PSORS1C1: variants seen among roughly 807,000 people sequenced by gnomAD.
PSORS1C1 encodes the protein psoriasis susceptibility 1 candidate gene 1 protein.
A neutral mutation model predicts 9.4 loss-of-function variants in PSORS1C1; 7 were observed. That is an observed-to-expected ratio of 0.75 (90% CI 0.42 to 1.40). The LOEUF (loss-of-function observed/expected upper bound fraction) is 1.40. Among genes scored for constraint, PSORS1C1 ranks in the 40% most tolerant of loss-of-function variants. The probability of loss-of-function intolerance (pLI) is 0.01; values close to 1 mark genes in which losing one functional copy is unlikely to be tolerated. For synonymous variants in PSORS1C1, 63 were observed against 69.4 expected (o/e 0.91, Z 0.46); for missense variants, 146 against 178.1 (o/e 0.82, Z 1.02).
At chr6:31,116,608 A>T in intron 1 of PSORS1C1, 1 of 1,613,064 alleles carries the variant, frequency 6.2e-7, no homozygotes, top group Non-Finnish European at 8.5e-7. Flanking sequence ...AAAGGAAGGG[A>T]CCCCTGGAGA....
At chr6:31,132,867 T>C (rs1419052479) in intron 3 of PSORS1C1, among the ~76,000 whole-genome samples, 2 of 140,872 alleles carry the variant, frequency 1.4e-5, no homozygotes, top group Non-Finnish European at 1.6e-5. Context: ...AAAAAAGTAA[T>C]GAGGGTGGGG....
chr6:31,129,628 G>A lies in PSORS1C1; in HGVS notation c.-5G>A. 2 of 779,960 alleles carry A rather than the reference G, an allele frequency of 2.6e-6. No individual in the cohort carries two copies. The highest frequency in any genetic ancestry group is 4.8e-6 in the Non-Finnish European group (2 of 418,114). The allele number at this position is 779,960 out of a possible 1,614,324, so 48.3% of individuals were successfully genotyped here. A position where few individuals can be genotyped will look rare whatever the true frequency, so the allele number is the denominator to read the frequency against. ...CCATCCAGTCTTGACTTTGGCACTTGTGATATGACTTGCACAGGTGAGTTA... is the reference window on the plus strand; with the variant it reads ...CCATCCAGTCTTGACTTTGGCACTTATGATATGACTTGCACAGGTGAGTTA... On this transcript the variant is annotated 5_prime_UTR_variant, in exon 3 of 6. It adds an upstream start codon to the 5' untranslated region. Transcript: ENST00000259881.
intron 1 of PSORS1C1, chr6:31,116,440 G>C (rs745483723): frequency 1.9e-6 from 3 of 1,590,458 alleles, no homozygotes; most frequent in Non-Finnish European, 8.6e-7. Context: ...ACTGGAGGGA[G>C]AGCAGGGTCC....
intron 3 of PSORS1C1, among the ~76,000 whole-genome samples, chr6:31,130,494 G>A (rs948621637): frequency 6.6e-6 from 1 of 151,512 alleles, no homozygotes; most frequent in Non-Finnish European, 1.5e-5. Flanking sequence ...TCACTGCAAC[G>A]TCCGCCTCCC....
At chr6:31,118,843 C>CTTTTTT (rs9257055) in intron 1 of PSORS1C1, 24 of 120,746 alleles carry the variant, frequency 2.0e-4, no homozygotes, top group African/African-American at 2.2e-4. Context: ...TCTTCTTCTT[C>CTTTTTT]TTTTTTTTTT....
Position 31,128,428 on chromosome 6 carries a change from G to A in PSORS1C1, c.-64-1141G>A, listed in dbSNP as rs1272239994. ...CATAGAGAACGAATGGCTAAGTAGC[G>A]ACAAGAACCCAAGTCACAGTCTGTT... is the stretch of plus-strand genomic sequence containing the variant. On this transcript the variant is annotated intron_variant, in intron 2 of 5. Coordinates refer to ENST00000259881, the MANE Select transcript of PSORS1C1 (RefSeq NM_014068.3). This position sits in a 1 kb window ranked among gnomAD's most constrained non-coding sequence, Gnocchi z 4.3. Among the ~76,000 whole-genome samples, 1 of 152,060 alleles carries A rather than the reference G, an allele frequency of 6.6e-6. No individual in the cohort carries two copies. The highest frequency in any genetic ancestry group is 1.9e-4 in the East Asian group (1 of 5,190).
intron 1 of PSORS1C1, among the ~76,000 whole-genome samples, chr6:31,119,586 C>T (rs1307130773): frequency 3.9e-5 from 6 of 152,254 alleles, no homozygotes; most frequent in South Asian, 2.1e-4. Flanking sequence ...CCTTTCATAC[C>T]GTTCTTGTAA....
chr6:31,122,891 G>C (rs1004824833), intron 1 of PSORS1C1, among the ~76,000 whole-genome samples: 3 of 152,148 alleles, frequency 2.0e-5, no homozygotes, highest in African/African-American at 7.2e-5. Flanking sequence ...GGGGCACTGG[G>C]GTAATGAGGG....
intron 3 of PSORS1C1, among the ~76,000 whole-genome samples, chr6:31,130,716 A>G (rs1314103691): frequency 1.3e-5 from 2 of 151,666 alleles, no homozygotes; most frequent in South Asian, 2.1e-4. Context: ...GCCAAATGTT[A>G]AACATTTTTT....
chr6:31,126,364 A>G (rs1188909501), intron 2 of PSORS1C1, among the ~76,000 whole-genome samples: 2 of 152,168 alleles, frequency 1.3e-5, no homozygotes, highest in Non-Finnish European at 2.9e-5. Context: ...TATACTTTAA[A>G]AAAACCCTAG....
intron 3 of PSORS1C1, among the ~76,000 whole-genome samples, chr6:31,130,391 C>T (rs940426189): frequency 2.0e-5 from 3 of 147,862 alleles, no homozygotes; most frequent in Non-Finnish European, 3.0e-5. Context: ...TACAGGCATG[C>T]ACTACCATGG....
chr6:31,138,976 G>A (rs761507222), intron 5 of PSORS1C1, 197 bp downstream of exon 5: 1 of 1,613,938 alleles, frequency 6.2e-7, no homozygotes, highest in Non-Finnish European at 8.5e-7. Flanking sequence ...CCTCACCTCT[G>A]GTGTGCAGGC....
chr6:31,137,621 A>C (rs1443274407), intron 3 of PSORS1C1: 12 of 325,690 alleles, frequency 3.7e-5, no homozygotes, highest in Non-Finnish European at 6.1e-5. Flanking sequence ...AGGTGGCAGA[A>C]GGGAACACAG....
At chr6:31,125,280 C>T (rs1274878399) in intron 1 of PSORS1C1, among the ~76,000 whole-genome samples, 4 of 152,056 alleles carry the variant, frequency 2.6e-5, no homozygotes, top group Non-Finnish European at 2.9e-5. Flanking sequence ...TTGGCTCCAG[C>T]GAGAGGCCGT....
intron 1 of PSORS1C1, among the ~76,000 whole-genome samples, chr6:31,122,216 G>A (rs1286512077): frequency 2.0e-5 from 3 of 152,206 alleles, no homozygotes; most frequent in Admixed American, 6.5e-5. Flanking sequence ...CAAGGTTTTT[G>A]TGAACATCAA....
chr6:31,139,600 T>C lies in PSORS1C1; in HGVS notation c.168-41T>C. 6.3e-7 allele frequency: 1 copy of C among 1,593,156 alleles called. No individual in the cohort carries two copies. Among genetic ancestry groups the C allele is most frequent in the South Asian group, 1.1e-5 (1 of 89,774 alleles). ...TTTCCTGGGCACTTCCCTTCCCCCA[T>C]GGGATCCAGGCATCCTGCTCTCCAC... On this transcript the variant is annotated intron_variant, in intron 5 of 5. Coordinates refer to ENST00000259881, the MANE Select transcript of PSORS1C1 (RefSeq NM_014068.3). The surrounding 1 kb of genome is among the most constrained non-coding windows in gnomAD (Gnocchi z 5.2).
chr6:31,116,520 C>T (rs765478855), intron 1 of PSORS1C1: 4 of 1,612,916 alleles, frequency 2.5e-6, no homozygotes, highest in Non-Finnish European at 3.4e-6. Context: ...ATGCAATGGC[C>T]GAGGAAGCTG....
intron 1 of PSORS1C1, chr6:31,116,842 T>G: frequency 6.2e-7 from 1 of 1,608,124 alleles, no homozygotes; most frequent in South Asian, 1.1e-5. Flanking sequence ...ACCGTGCTGG[T>G]CCACCACCAC....
At position 31,138,723 on chromosome 6, in the gene PSORS1C1, TCC is replaced by T. The variant is rs9278990; in HGVS notation, c.117_118del (p.His40ArgfsTer2). ...NTDPSSEETR[P>X]PHVNPDRLCH... ...CAGATCCCAGCTCCGAGGAAACTCG[TCC>T]CCCCCACGTTAATCCTGACCGACTT... is the stretch of plus-strand genomic sequence containing the variant. On this transcript the variant is annotated frameshift_variant, in exon 5 of 6. Coordinates refer to ENST00000259881, the MANE Select transcript of PSORS1C1 (RefSeq NM_014068.3). LOFTEE classifies it high-confidence loss of function. 8.7e-6 allele frequency: 14 copies of T among 1,612,930 alleles called. No homozygotes were observed. Among genetic ancestry groups the T allele is most frequent in the Non-Finnish European group, 1.2e-5 (14 of 1,179,780 alleles).
Sources: allele counts gnomAD v4.1 joint callset (sites outside exome capture counted in the v4.1 genomes callset), GRCh38; gene constraint gnomAD v4.1.1; non-coding constraint Gnocchi (gnomAD v3.1); transcripts MANE v1.5; gene names NCBI Gene and HGNC (gene_info 2026-07-23, HGNC 2026-07-21).